Variants in TMED2 observed in about 807,000 individuals in gnomAD.
TMED2 encodes the protein transmembrane emp24 domain-containing protein 2.
Under a neutral mutation model 17.5 loss-of-function variants are expected in TMED2, and 3 were observed. The ratio of observed to expected loss-of-function variants is 0.17; its 90% CI spans 0.08 to 0.44. The LOEUF is 0.44. Ranked by LOEUF, TMED2 falls within the 20% of genes least tolerant of loss-of-function variation. The pLI is 0.99. For synonymous variants in TMED2, 95 were observed against 91.0 expected, an observed-to-expected ratio of 1.04 and a Z score of -0.25; for missense variants, 149 against 254.8, an observed-to-expected ratio of 0.58 and a Z score of 2.83.
chr12:123,589,837 A>C (rs1053272129), intron 2 of TMED2, among the ~76,000 whole-genome samples: 2 of 152,020 alleles, frequency 1.3e-5, no homozygotes, highest in Non-Finnish European at 2.9e-5. Context: ...GTCTCTAAAA[A>C]ATAAAAATAA....
chr12:123,587,635 T>C lies in TMED2; in HGVS notation c.373+696T>C, dbSNP rs1435413666. On this transcript the variant is annotated intron_variant, in intron 2 of 3. Coordinates refer to ENST00000262225, the MANE Select transcript of TMED2 (RefSeq NM_006815.4). ...GGTGGTGGAGATACCTGGGATGGTA[T>C]GTGGATTGCTTTTTGACAGCATCCT... The C allele has an allele frequency of 3.1e-6, 4 of 1,279,896 alleles. No homozygotes were observed. The South Asian group carries it at 3.8e-5, about 12-fold the overall frequency. The allele number at this position is 1,279,896 out of a possible 1,614,324, so 79.3% of individuals were successfully genotyped here. A position where few individuals can be genotyped will look rare whatever the true frequency, so the allele number is the denominator to read the frequency against.
chr12:123,593,676 A>G lies in TMED2; in HGVS notation c.482-2929A>G, dbSNP rs540274970. Among the ~76,000 whole-genome samples, 58 of 152,168 alleles carry G rather than the reference A, an allele frequency of 3.8e-4. 1 individual carries two copies. Among genetic ancestry groups the G allele is most frequent in the African/African-American group, 1.4e-3 (57 of 41,532 alleles). On this transcript the variant is annotated intron_variant, in intron 3 of 3. Transcript: ENST00000262225. Reference sequence around the variant, plus strand: ...ATCTTTAAGCCCAGCTAATTTTTGTATTTTTAGTAGACGGGGTTTCACCAC... The same window carrying G: ...ATCTTTAAGCCCAGCTAATTTTTGTGTTTTTAGTAGACGGGGTTTCACCAC...
intron 3 of TMED2, 119 bp from the exon 4 acceptor site, chr12:123,596,486 T>A: frequency 7.8e-7 from 1 of 1,286,154 alleles, no homozygotes; most frequent in Non-Finnish European, 1.0e-6. Context: ...GAACATCTAT[T>A]CTATGAGTGG....
At chr12:123,589,389 C>G (rs1182961982) in intron 2 of TMED2, among the ~76,000 whole-genome samples, 1 of 152,158 alleles carries the variant, frequency 6.6e-6, no homozygotes, top group Non-Finnish European at 1.5e-5. Flanking sequence ...AGTTACATGA[C>G]TCTTAGACTT....
intron 3 of TMED2, 126 bp from the exon 4 acceptor site, chr12:123,596,479 C>A: frequency 1.6e-6 from 2 of 1,227,092 alleles, no homozygotes; most frequent in Non-Finnish European, 2.2e-6. Flanking sequence ...AGTTGAGGAA[C>A]ATCTATTCTA....
intron 1 of TMED2, chr12:123,585,604 G>A (rs932699492): frequency 6.6e-5 from 10 of 152,334 alleles, no homozygotes; most frequent in Middle Eastern, 6.8e-3. Context: ...AGTGTACTCA[G>A]TAGGGCTGGG....
At position 123,584,562 on chromosome 12, in the gene TMED2, C is replaced by CGGG. The variant is rs1886297394; in HGVS notation, c.-73_-71dup. On this transcript the variant is annotated 5_prime_UTR_variant, in exon 1 of 4. Transcript: ENST00000262225. The stretch of plus-strand genomic sequence containing the variant: ...TAGGCGGCGGTGGCTGAGAAGGCAG[C>CGGG]GGGGCGGCGGCGGCGGCGGCGGCGG... 1.4e-6 allele frequency: 2 copies of CGGG among 1,423,676 alleles called. No homozygotes were observed. The highest frequency in any genetic ancestry group is 3.9e-5 in the African/African-American group (2 of 51,122). The allele number at this position is 1,423,676 out of a possible 1,614,324, so 88.2% of individuals were successfully genotyped here.
Position 123,597,372 on chromosome 12 carries a change from G to C in TMED2, c.*643G>C, listed in dbSNP as rs1212428313. ...ATCTCCACTTAAATTGATGACACAAGCAGCTAATAACCATTTCTGGGTTTC... is the reference window on the plus strand; with the variant it reads ...ATCTCCACTTAAATTGATGACACAACCAGCTAATAACCATTTCTGGGTTTC... On this transcript the variant is annotated 3_prime_UTR_variant, in exon 4 of 4. Coordinates refer to ENST00000262225, the MANE Select transcript of TMED2 (RefSeq NM_006815.4). 6.6e-6 allele frequency: 1 copy of C among 152,208 alleles called. No homozygotes were observed. Among genetic ancestry groups the C allele is most frequent in the Non-Finnish European group, 1.5e-5 (1 of 68,042 alleles). 9.4% of individuals were successfully genotyped at this position (152,208 alleles called of 1,614,324 possible). A position where few individuals can be genotyped will look rare whatever the true frequency, so the allele number is the denominator to read the frequency against.
At position 123,596,694 on chromosome 12, in the gene TMED2, C is replaced by T. The variant is rs777267630; in HGVS notation, c.571C>T (p.Leu191=). The T allele has an allele frequency of 5.0e-6, 8 of 1,610,398 alleles. No individual in the cohort carries two copies. The highest frequency in any genetic ancestry group is 2.7e-5 in the African/African-American group (2 of 74,752). ...VAMTLGQIYY[L]KRFFEVRRVV ...CATGACATTGGGACAGATCTACTAC[C>T]TGAAGAGATTTTTTGAAGTCCGGAG... The change falls in exon 4 of 4, where the codon CTG becomes TTG. Residue 191 remains leucine, a synonymous_variant. Transcript: ENST00000262225.
In TMED2 at chr12:123,598,177, A is replaced by C. The variant is rs1451537427; in HGVS notation, c.*1448A>C. 3 of 152,332 alleles carry C rather than the reference A, an allele frequency of 2.0e-5. No individual in the cohort carries two copies. The highest frequency in any genetic ancestry group is 2.0e-4 in the Admixed American group (3 of 15,242). The allele number at this position is 152,332 out of a possible 1,614,324, so 9.4% of individuals were successfully genotyped here. A position where few individuals can be genotyped will look rare whatever the true frequency, so the allele number is the denominator to read the frequency against. ...TTTTATATATTGACAGCTAATCCAC[A>C]TTTTTTACACACCAACTTTCTGTTC... On this transcript the variant is annotated 3_prime_UTR_variant, in exon 4 of 4. Transcript: ENST00000262225.
chr12:123,591,502 G>A (rs1246807588), intron 3 of TMED2, among the ~76,000 whole-genome samples: 1 of 152,166 alleles, frequency 6.6e-6, no homozygotes, highest in Non-Finnish European at 1.5e-5. Flanking sequence ...AGAGCAAGGT[G>A]GCTGGGGGCA....
intron 2 of TMED2, among the ~76,000 whole-genome samples, chr12:123,589,941 C>T (rs1220746334): frequency 2.0e-5 from 3 of 150,660 alleles, no homozygotes; most frequent in South Asian, 2.1e-4. Context: ...GCTATAATTG[C>T]ACCACTGTAC....
chr12:123,592,227 C>G (rs1953397465), intron 3 of TMED2, among the ~76,000 whole-genome samples: 1 of 152,212 alleles, frequency 6.6e-6, no homozygotes, highest in African/African-American at 2.4e-5. Context: ...CTCTTAATCT[C>G]ACCAGCTGGG....
chr12:123,594,379 C>A (rs1353770093), intron 3 of TMED2, among the ~76,000 whole-genome samples: 1 of 151,886 alleles, frequency 6.6e-6, no homozygotes, highest in Non-Finnish European at 1.5e-5. Flanking sequence ...CGTGATCCAC[C>A]CGCCTCGACC....
rs1378731794 is a variant in TMED2, at chr12:123,587,273, G to A, written c.373+334G>A. Among the ~76,000 whole-genome samples the A allele has an allele frequency of 5.3e-5, 8 of 152,144 alleles. No homozygotes were observed. In the South Asian group the frequency reaches 1.2e-3, roughly 24 times the overall value. On this transcript the variant is annotated intron_variant, in intron 2 of 3. Coordinates refer to ENST00000262225, the MANE Select transcript of TMED2 (RefSeq NM_006815.4). ...GCGATTCTCCCAAGTAGCGTCAGGC[G>A]TATGCCACCATGCCCGGCTAATTTT...
rs770554009 is a variant in TMED2, at chr12:123,596,721, G to A, written c.598G>A (p.Val200Ile). Residue 200 changes from valine to isoleucine, a missense_variant, in exon 4 of 4, where the codon GTT becomes ATT. Physicochemically the swap from Val to Ile is conservative, Grantham distance 29. Coordinates refer to ENST00000262225, the MANE Select transcript of TMED2 (RefSeq NM_006815.4). Reference sequence around the variant, plus strand: ...GAAGAGATTTTTTGAAGTCCGGAGAGTTGTTTAAAAAGCCTCTTCCTGATG... The same window carrying A: ...GAAGAGATTTTTTGAAGTCCGGAGAATTGTTTAAAAAGCCTCTTCCTGATG... ...YLKRFFEVRR[V>I]V is the part of the protein sequence containing the mutation. 4 of 1,606,238 alleles carry A rather than the reference G, an allele frequency of 2.5e-6. No individual in the cohort carries two copies. The East Asian group carries it at 9.0e-5, about 36-fold the overall frequency.
At chr12:123,588,878 G>T (rs1953370494) in intron 2 of TMED2, among the ~76,000 whole-genome samples, 1 of 152,184 alleles carries the variant, frequency 6.6e-6, no homozygotes, top group Non-Finnish European at 1.5e-5. Flanking sequence ...GGTGCATGGG[G>T]CTTCCAAAGG....
At chr12:123,592,573 G>A (rs1214078478) in intron 3 of TMED2, among the ~76,000 whole-genome samples, 2 of 152,212 alleles carry the variant, frequency 1.3e-5, no homozygotes, top group Admixed American at 1.3e-4. Flanking sequence ...CTAGAATTGA[G>A]TTTATAGGCA....
At position 123,584,765 on chromosome 12, in the gene TMED2, G is replaced by T. The variant is rs764909342; in HGVS notation, c.129G>T (p.Met43Ile). Reference sequence around the variant, plus strand: ...AGCGGGTCACCTCGGGCACCAAGATGGGCCTCATCTTCGAGGTGGCGGAGG... The same window carrying T: ...AGCGGGTCACCTCGGGCACCAAGATTGGCCTCATCTTCGAGGTGGCGGAGG... Reference protein sequence around the residue: ...FFERVTSGTKMGLIFEVAEGG... With the variant: ...FFERVTSGTKIGLIFEVAEGG... Residue 43 changes from methionine (M) to isoleucine (I), a missense_variant, in exon 1 of 4, where the codon ATG becomes ATT. Transcript: ENST00000262225. 1.2e-6 allele frequency: 2 copies of T among 1,613,426 alleles called. No homozygotes were observed. The highest frequency in any genetic ancestry group is 2.2e-5 in the South Asian group (2 of 91,084).
Sources: gnomAD v4.1 joint callset for allele counts (sites outside exome capture counted in the v4.1 genomes callset) on GRCh38, gnomAD v4.1.1 for gene constraint, MANE v1.5 for transcripts, NCBI Gene and HGNC (gene_info 2026-07-23, HGNC 2026-07-21) for gene names.